The following RAP1A variants were observed in gnomAD, a reference collection of about 807,000 sequenced individuals.
The protein encoded by RAP1A is RAP1A, member of RAS oncogene family.
A neutral mutation model predicts 26.4 loss-of-function variants in RAP1A; 6 were observed. The observed-to-expected ratio is 0.23, with a 90% CI of 0.12 to 0.45. The LOEUF (loss-of-function observed/expected upper bound fraction) is 0.45, where lower values mean the gene tolerates loss of function less well. RAP1A is among the 20% of genes least tolerant of loss of function. The pLI, the probability that RAP1A is intolerant of heterozygous loss-of-function variation, is 0.99. For missense variants in RAP1A, 121 were observed against 217.2 expected, an observed-to-expected ratio of 0.56 and a Z score of 2.78; for synonymous variants, 73 against 79.4, an observed-to-expected ratio of 0.92 and a Z score of 0.43.
At chr1:111,565,996 A>G (rs1363570032) in intron 1 of RAP1A, among the ~76,000 whole-genome samples, 1 of 152,078 alleles carries the variant, frequency 6.6e-6, no homozygotes, top group Non-Finnish European at 1.5e-5. Flanking sequence ...ACCTTCGAGG[A>G]GGAACAAATA....
intron 1 of RAP1A, among the ~76,000 whole-genome samples, chr1:111,659,421 TG>T (rs200102287): frequency 1.3e-5 from 2 of 152,036 alleles, no homozygotes; most frequent in Non-Finnish European, 2.9e-5. Context: ...AAACTATGGA[TG>T]GGGGGGTCTA....
Position 111,715,108 on chromosome 1 carries a change from T to C in RAP1A, c.*2707T>C, listed in dbSNP as rs1289559306. 1.3e-5 allele frequency: 2 copies of C among 149,594 alleles called. No individual in the cohort carries two copies. Among genetic ancestry groups the C allele is most frequent in the Admixed American group, 1.3e-4 (2 of 14,916 alleles). 9.3% of individuals were successfully genotyped at this position (149,594 alleles called of 1,614,324 possible). ...TACTTTTTTTTTTTTTGAGATGGAG[T>C]CTCGCCCTGTCGCCCAGGCTAGAGT... On this transcript the variant is annotated 3_prime_UTR_variant, in exon 8 of 8. Coordinates refer to ENST00000369709, the MANE Select transcript of RAP1A (RefSeq NM_002884.4).
rs1340076209 is a variant in RAP1A at position 111,692,698 on chromosome 1, A to G, written c.57+1281A>G. 3.9e-5 allele frequency among the ~76,000 whole-genome samples: 6 copies of G among 152,328 alleles called. No homozygotes were observed. The East Asian group carries it at 1.2e-3, about 29-fold the overall frequency. ...ATGCAATAGCTCTATATATACCGAT[A>G]TGTAATGATATCCAAGATACATTAT... On this transcript the variant is annotated intron_variant, in intron 2 of 7. Transcript: ENST00000369709.
chr1:111,623,301 C>T (rs2101092460), intron 1 of RAP1A, among the ~76,000 whole-genome samples: 1 of 152,166 alleles, frequency 6.6e-6, no homozygotes. Context: ...GTTGGGATTA[C>T]AGGTGTGAGC....
intron 1 of RAP1A, among the ~76,000 whole-genome samples, chr1:111,604,105 T>C (rs1045249594): frequency 6.6e-6 from 1 of 152,160 alleles, no homozygotes; most frequent in Non-Finnish European, 1.5e-5. Flanking sequence ...GCAACGTGAA[T>C]GCGGAGGAAG....
chr1:111,545,820 A>G (rs1462321435), intron 1 of RAP1A, among the ~76,000 whole-genome samples: 2 of 152,118 alleles, frequency 1.3e-5, no homozygotes, highest in Non-Finnish European at 2.9e-5. Flanking sequence ...TGGGAGTCCA[A>G]CTTCATTCTT....
At chr1:111,553,872 C>G (rs1657375071) in intron 1 of RAP1A, among the ~76,000 whole-genome samples, 1 of 152,208 alleles carries the variant, frequency 6.6e-6, no homozygotes, top group Non-Finnish European at 1.5e-5. Flanking sequence ...ATCACTCTTT[C>G]TGCAAACATC....
intron 1 of RAP1A, among the ~76,000 whole-genome samples, chr1:111,644,242 G>GA (rs1455385165): frequency 6.6e-6 from 1 of 152,184 alleles, no homozygotes; most frequent in African/African-American, 2.4e-5. Flanking sequence ...AATTTAAGCA[G>GA]AAAAATGTTT....
At chr1:111,643,187 A>G (rs1335741011) in intron 1 of RAP1A, among the ~76,000 whole-genome samples, 1 of 152,164 alleles carries the variant, frequency 6.6e-6, no homozygotes, top group Non-Finnish European at 1.5e-5. Context: ...TACATAAGCA[A>G]ATGAGAGTGA....
chr1:111,710,775 GA>G (rs1394603334), intron 7 of RAP1A, among the ~76,000 whole-genome samples: 7 of 152,142 alleles, frequency 4.6e-5, no homozygotes, highest in Non-Finnish European at 8.8e-5. Flanking sequence ...TCAGATTTAG[GA>G]AAGACAGCAT....
intron 1 of RAP1A, among the ~76,000 whole-genome samples, chr1:111,676,847 G>A (rs2101196578): frequency 6.6e-6 from 1 of 151,438 alleles, no homozygotes; most frequent in Middle Eastern, 3.4e-3. Context: ...AGGCTGGAGT[G>A]CAGTGGTACA....
intron 1 of RAP1A, among the ~76,000 whole-genome samples, chr1:111,624,280 A>G (rs1403431188): frequency 6.6e-6 from 1 of 152,224 alleles, no homozygotes; most frequent in African/African-American, 2.4e-5. Flanking sequence ...AAGCTTTAGT[A>G]TGTTACTGAG....
intron 1 of RAP1A, among the ~76,000 whole-genome samples, chr1:111,666,798 A>G (rs558092843): frequency 2.6e-5 from 4 of 152,368 alleles, no homozygotes; most frequent in South Asian, 4.1e-4. Context: ...AAGAGCAGGC[A>G]TTATTAACTA....
chr1:111,676,661 T>G (rs1661136216), intron 1 of RAP1A, among the ~76,000 whole-genome samples: 1 of 152,160 alleles, frequency 6.6e-6, no homozygotes, highest in South Asian at 2.1e-4. Context: ...ACAATCAAGA[T>G]ACAGATCATT....
intron 1 of RAP1A, among the ~76,000 whole-genome samples, chr1:111,677,707 A>C (rs1040262849): frequency 6.6e-6 from 1 of 152,128 alleles, no homozygotes; most frequent in Non-Finnish European, 1.5e-5. Context: ...AGAGCAAATG[A>C]TCCAAGAGAC....
intron 1 of RAP1A, among the ~76,000 whole-genome samples, chr1:111,595,771 G>T (rs1167721532): frequency 2.0e-5 from 3 of 152,170 alleles, no homozygotes; most frequent in African/African-American, 7.2e-5. Context: ...GCTCAAAGTT[G>T]TATGAATATC....
chr1:111,623,653 C>T (rs1659293751), intron 1 of RAP1A, among the ~76,000 whole-genome samples: 1 of 152,182 alleles, frequency 6.6e-6, no homozygotes, highest in South Asian at 2.1e-4. Flanking sequence ...TCATGATCCG[C>T]CCGCCTCAGC....
rs570713929 is a variant in RAP1A, at chr1:111,609,554, G to A, written c.-28+67045G>A. 2.6e-4 allele frequency among the ~76,000 whole-genome samples: 39 copies of A among 152,250 alleles called. No homozygotes were observed. In the South Asian group the frequency reaches 7.3e-3, roughly 28 times the overall value. ...TAAACTAGACACACTGGGTGCTGGT[G>A]CTCCGCTCTGTGTCATTGTGGCCCC... is the stretch of plus-strand genomic sequence containing the variant. On this transcript the variant is annotated intron_variant, in intron 1 of 7. Coordinates refer to the RAP1A transcript ENST00000356415.
chr1:111,616,616 TC>T (rs1468048914), upstream of RAP1A, among the ~76,000 whole-genome samples: 14 of 152,172 alleles, frequency 9.2e-5, no homozygotes, highest in Admixed American at 7.9e-4. Context: ...CTGTCTTCCC[TC>T]CCAGCTTAAA....
Sources: gnomAD v4.1 joint callset for allele counts (sites outside exome capture counted in the v4.1 genomes callset) on GRCh38, gnomAD v4.1.1 for gene constraint, MANE v1.5 for transcripts, NCBI Gene and HGNC (gene_info 2026-07-23, HGNC 2026-07-21) for gene names.